The following PTPRM variants were observed in gnomAD, a reference collection of about 807,000 sequenced individuals.
PTPRM encodes the protein receptor-type tyrosine-protein phosphatase mu.
Under a neutral mutation model 186.7 loss-of-function variants are expected in PTPRM, and 47 were observed. That is an observed-to-expected ratio of 0.25 (90% CI 0.20 to 0.32). The LOEUF (loss-of-function observed/expected upper bound fraction) is 0.32. PTPRM is among the 10% of genes least tolerant of loss of function. The probability of loss-of-function intolerance (pLI) is 1.00; values close to 1 mark genes in which losing one functional copy is unlikely to be tolerated. For missense variants in PTPRM, 1,494 were observed against 1,865.0 expected, an observed-to-expected ratio of 0.80 and a Z score of 3.66; for synonymous variants, 668 against 674.9, an observed-to-expected ratio of 0.99 and a Z score of 0.16.
chr18:7,752,300 T>G (rs2041253662), intron 1 of PTPRM, among the ~76,000 whole-genome samples: 3 of 152,258 alleles, frequency 2.0e-5, no homozygotes, highest in Non-Finnish European at 4.4e-5. Context: ...TCATTTGAGC[T>G]TATTCTTTAT....
intron 7 of PTPRM, among the ~76,000 whole-genome samples, chr18:8,053,079 A>T (rs928229263): frequency 3.9e-5 from 6 of 152,170 alleles, no homozygotes; most frequent in Non-Finnish European, 8.8e-5. Context: ...TCGTTTGTTT[A>T]GTGGTTGCCA....
Position 7,965,619 on chromosome 18 carries a change from C to T in PTPRM, c.1132+10205C>T, listed in dbSNP as rs55651647. On this transcript the variant is annotated intron_variant, in intron 7 of 32. Transcript: ENST00000580170. ...GCATCCAGTGTCGCTGGCCTCAGAG[C>T]GGGCAAAGCCAGTCTTAGCCTTTGT... Among the ~76,000 whole-genome samples, 572 of 152,148 alleles carry T rather than the reference C, an allele frequency of 3.8e-3. 6 individuals are homozygous for T. Among genetic ancestry groups the T allele is most frequent in the African/African-American group, 0.013 (544 of 41,506 alleles).
At chr18:7,850,670 G>A (rs1302990232) in intron 2 of PTPRM, among the ~76,000 whole-genome samples, 1 of 152,212 alleles carries the variant, frequency 6.6e-6, no homozygotes, top group Admixed American at 6.5e-5. Flanking sequence ...CACAGTGACT[G>A]AAGCCAAGCT....
intron 20 of PTPRM, among the ~76,000 whole-genome samples, chr18:8,307,127 C>T (rs556294453): frequency 6.6e-5 from 10 of 152,256 alleles, no homozygotes; most frequent in African/African-American, 2.4e-4. Context: ...CTTAGACGTC[C>T]AAGCAGCAGA....
chr18:7,721,287 C>A (rs1419941178), intron 1 of PTPRM, among the ~76,000 whole-genome samples: 3 of 151,720 alleles, frequency 2.0e-5, no homozygotes, highest in Non-Finnish European at 4.4e-5. Flanking sequence ...GGAGGAATGT[C>A]TATTCAAGTC....
Position 7,949,233 on chromosome 18 carries a change from G to T in PTPRM, c.716G>T (p.Arg239Leu), listed in dbSNP as rs746183491. 6.2e-7 allele frequency: 1 copy of T among 1,611,936 alleles called. No homozygotes were observed. The highest frequency in any genetic ancestry group is 1.1e-5 in the South Asian group (1 of 91,026). ...PLKEIKVTSSRRFIASFNVVN... is the reference protein window; with the variant it reads ...PLKEIKVTSSLRFIASFNVVN... ...AAGGAAATCAAGGTGACCAGCTCCC[G>T]ACGCTTCATTGCTTCATTTAATGTT... Residue 239 changes from arginine (R) to leucine (L), a missense_variant, in exon 6 of 33, where the codon CGA becomes CTA. Arg to Leu is a moderately radical substitution (Grantham distance 102, BLOSUM62 -2). Around this residue, in one of 3 missense-constraint regions of PTPRM, gnomAD observed 296 missense variants for 345.5 expected, o/e 0.86. Coordinates refer to ENST00000580170, the MANE Select transcript of PTPRM (RefSeq NM_001105244.2).
chr18:8,005,578 G>A (rs921352502), intron 7 of PTPRM, among the ~76,000 whole-genome samples: 19 of 152,274 alleles, frequency 1.2e-4, no homozygotes, highest in African/African-American at 4.6e-4. Flanking sequence ...AAATTGTATA[G>A]CGAGTGAATA....
chr18:8,245,734 C>T (rs1369627657), intron 15 of PTPRM, among the ~76,000 whole-genome samples: 1 of 152,132 alleles, frequency 6.6e-6, no homozygotes, highest in African/African-American at 2.4e-5. Flanking sequence ...AACCCATTAA[C>T]GTTCCAAATC....
intron 5 of PTPRM, among the ~76,000 whole-genome samples, chr18:7,943,347 C>T (rs1317761297): frequency 6.6e-6 from 1 of 152,138 alleles, no homozygotes; most frequent in Non-Finnish European, 1.5e-5. Flanking sequence ...GGGGTGCCTC[C>T]ATGGTTGCTG....
intron 1 of PTPRM, among the ~76,000 whole-genome samples, chr18:7,591,699 C>T (rs2037130420): frequency 6.6e-6 from 1 of 152,104 alleles, no homozygotes; most frequent in South Asian, 2.1e-4. Context: ...AGACACCAGG[C>T]TACAGGTATT....
At chr18:7,713,213 A>G (rs2040249666) in intron 1 of PTPRM, among the ~76,000 whole-genome samples, 1 of 152,224 alleles carries the variant, frequency 6.6e-6, no homozygotes, top group Admixed American at 6.5e-5. Flanking sequence ...GGGGGCCAAT[A>G]TTCAACATTC....
intron 13 of PTPRM, among the ~76,000 whole-genome samples, chr18:8,137,565 A>ACT (rs1461763731): frequency 2.6e-5 from 4 of 152,086 alleles, no homozygotes; most frequent in Non-Finnish European, 5.9e-5. Context: ...GTTGTTCTCA[A>ACT]GGTACTGTTC....
chr18:7,933,821 T>C (rs777438784), intron 5 of PTPRM, among the ~76,000 whole-genome samples: 1 of 152,194 alleles, frequency 6.6e-6, no homozygotes, highest in East Asian at 1.9e-4. Flanking sequence ...GAGCAATTCA[T>C]AGAATGTAGT....
intron 7 of PTPRM, among the ~76,000 whole-genome samples, chr18:8,056,812 G>A (rs959344302): frequency 6.7e-6 from 1 of 150,344 alleles, no homozygotes; most frequent in Non-Finnish European, 1.5e-5. Flanking sequence ...GTTTGACATT[G>A]TCTGTTGTAC....
At chr18:7,723,872 A>G (rs995082464) in intron 1 of PTPRM, among the ~76,000 whole-genome samples, 2 of 152,118 alleles carry the variant, frequency 1.3e-5, no homozygotes, top group Admixed American at 6.5e-5. Context: ...CTCATAAGCA[A>G]CTTGCACTCT....
At chr18:7,584,941 C>T (rs4798572) in intron 1 of PTPRM, among the ~76,000 whole-genome samples, 27,816 of 152,152 alleles carry the variant, frequency 0.18, 4,590 homozygotes, top group African/African-American at 0.43. Flanking sequence ...AAGGAGCTCA[C>T]AGGAAAACTG....
intron 28 of PTPRM, 48 bp from the exon 29 acceptor site, chr18:8,380,247 CT>C (rs1404209000): frequency 1.3e-6 from 2 of 1,585,258 alleles, no homozygotes; most frequent in African/African-American, 2.7e-5. Context: ...AGCTTCTTCT[CT>C]TCCCATTTTC....
chr18:7,719,728 A>C (rs1474224021), intron 1 of PTPRM, among the ~76,000 whole-genome samples: 1 of 152,202 alleles, frequency 6.6e-6, no homozygotes, highest in Non-Finnish European at 1.5e-5. Context: ...GCTGTTTAAT[A>C]TTACATTGGA....
intron 12 of PTPRM, 134 bp downstream of exon 12, chr18:8,113,893 C>A: frequency 1.0e-6 from 1 of 975,548 alleles, no homozygotes; most frequent in Non-Finnish European, 1.4e-6. Flanking sequence ...ATTTTCTTCT[C>A]TTAAAATTAT....
Sources: allele counts gnomAD v4.1 joint callset (sites outside exome capture counted in the v4.1 genomes callset), GRCh38; gene constraint gnomAD v4.1.1; regional missense constraint gnomAD v4.1.1; transcripts MANE v1.5; gene names NCBI Gene and HGNC (gene_info 2026-07-23, HGNC 2026-07-21).